WWOX: variants seen among roughly 807,000 people sequenced by gnomAD.
The protein encoded by WWOX is WW domain containing oxidoreductase.
In WWOX, 69 loss-of-function variants were observed where a neutral mutation model predicts 46.2. The observed-to-expected ratio is 1.49, with a 90% CI of 1.23 to 1.82. The LOEUF (loss-of-function observed/expected upper bound fraction) is 1.82. Ranked by LOEUF, WWOX falls within the 40% of genes most tolerant of loss-of-function variation. The pLI is 0.00. For missense variants in WWOX, 919 were observed against 542.6 expected (o/e 1.69, Z -6.89); for synonymous variants, 359 against 202.6 (o/e 1.77, Z -6.56).
intron 8 of WWOX, among the ~76,000 whole-genome samples, chr16:78,648,003 T>G (rs1438211114): frequency 1.3e-5 from 2 of 152,224 alleles, no homozygotes; most frequent in East Asian, 1.9e-4. Context: ...TATTTTCCAT[T>G]ATTCATTTGG....
intron 8 of WWOX, among the ~76,000 whole-genome samples, chr16:78,565,391 A>G (rs1205540750): frequency 1.3e-5 from 2 of 152,246 alleles, no homozygotes; most frequent in African/African-American, 2.4e-5. Context: ...TTCATCTTCT[A>G]GAGGCCTCCT....
chr16:78,997,837 A>G (rs893579454), intron 8 of WWOX, among the ~76,000 whole-genome samples: 3 of 151,952 alleles, frequency 2.0e-5, no homozygotes, highest in African/African-American at 7.3e-5. Flanking sequence ...CCTTCCCGGG[A>G]ATTTCTGAAT....
chr16:79,008,943 A>G (rs558865609), intron 8 of WWOX, among the ~76,000 whole-genome samples: 1 of 152,364 alleles, frequency 6.6e-6, no homozygotes, highest in Non-Finnish European at 1.5e-5. Context: ...TAAATATGGG[A>G]TGCCTTGGCC....
At chr16:78,503,439 T>A (rs929396328) in intron 8 of WWOX, among the ~76,000 whole-genome samples, 6 of 150,800 alleles carry the variant, frequency 4.0e-5, no homozygotes, top group Admixed American at 4.0e-4. Context: ...TAAATATAAT[T>A]CCTTATTGTA....
rs1056231520 is a variant in WWOX at position 78,590,190 on chromosome 16, T to A, written c.1056+157438T>A. On this transcript the variant is annotated intron_variant, in intron 8 of 8. Coordinates refer to ENST00000566780, the MANE Select transcript of WWOX (RefSeq NM_016373.4). ...TTTATTATAGATAGAAATAAAAAAA[T>A]TATAAATAGAAATTTATTTCTCGTG... Among the ~76,000 whole-genome samples the A allele has an allele frequency of 4.7e-5, 7 of 150,484 alleles. No homozygotes were observed. The East Asian group carries it at 9.7e-4, about 21-fold the overall frequency.
At chr16:78,546,538 C>T (rs1309488581) in intron 8 of WWOX, among the ~76,000 whole-genome samples, 1 of 152,128 alleles carries the variant, frequency 6.6e-6, no homozygotes, top group Non-Finnish European at 1.5e-5. Context: ...TTTACGATTC[C>T]ATTGTTTATA....
chr16:79,032,670 A>G (rs998360345), intron 8 of WWOX, among the ~76,000 whole-genome samples: 2 of 89,162 alleles, frequency 2.2e-5, no homozygotes, highest in Admixed American at 1.1e-4. Flanking sequence ...ACATATGTAT[A>G]TATATATATA....
intron 5 of WWOX, among the ~76,000 whole-genome samples, chr16:78,362,122 C>T (rs150957070): frequency 8.5e-4 from 129 of 151,950 alleles, no homozygotes; most frequent in African/African-American, 2.9e-3. Context: ...CTTTTTATGT[C>T]CGGTGGCCAT....
intron 8 of WWOX, among the ~76,000 whole-genome samples, chr16:78,543,166 T>A (rs556852525): frequency 1.3e-5 from 2 of 152,212 alleles, no homozygotes; most frequent in African/African-American, 4.8e-5. Context: ...GAGTCTGTGA[T>A]CTCACAGCTG....
chr16:78,585,829 T>C (rs1182047877), intron 8 of WWOX, among the ~76,000 whole-genome samples: 1 of 152,032 alleles, frequency 6.6e-6, no homozygotes, highest in Non-Finnish European at 1.5e-5. Context: ...TTCTGTGGCC[T>C]TTATATTAGA....
chr16:79,103,138 C>A (rs1209084499), intron 8 of WWOX, among the ~76,000 whole-genome samples: 2 of 152,180 alleles, frequency 1.3e-5, no homozygotes, highest in African/African-American at 4.8e-5. Flanking sequence ...TTGATCTCTG[C>A]TGAGTCTCTC....
chr16:79,199,055 G>A (rs563053556), intron 8 of WWOX, among the ~76,000 whole-genome samples: 40 of 152,024 alleles, frequency 2.6e-4, no homozygotes, highest in Non-Finnish European at 3.4e-4. Context: ...TTCAGTCCCC[G>A]GTGTTTTTAT....
chr16:78,385,004 C>T (rs537070728), intron 5 of WWOX, among the ~76,000 whole-genome samples: 69 of 152,178 alleles, frequency 4.5e-4, no homozygotes, highest in South Asian at 3.1e-3. Flanking sequence ...TGTGTTGGCA[C>T]GCACCTGTAG....
At chr16:78,814,834 C>T (rs6564596) in intron 8 of WWOX, among the ~76,000 whole-genome samples, 2 of 152,072 alleles carry the variant, frequency 1.3e-5, no homozygotes, top group South Asian at 4.1e-4. Context: ...CTGTCATCTG[C>T]CCTTGCAAAA....
intron 5 of WWOX, among the ~76,000 whole-genome samples, chr16:78,366,039 G>A (rs975135690): frequency 2.0e-5 from 3 of 152,140 alleles, no homozygotes; most frequent in African/African-American, 7.2e-5. Flanking sequence ...GTTAATCAGG[G>A]AATACATCTT....
At chr16:78,483,362 G>C (rs1410778440) in intron 8 of WWOX, among the ~76,000 whole-genome samples, 1 of 150,338 alleles carries the variant, frequency 6.7e-6, no homozygotes, top group Non-Finnish European at 1.5e-5. Context: ...AGAAGCATTG[G>C]CTGACATGGA....
chr16:78,585,161 GTTCTGACCACCCCCGGGCTAT>G (rs1449994414), intron 8 of WWOX, among the ~76,000 whole-genome samples: 1 of 152,204 alleles, frequency 6.6e-6, no homozygotes, highest in East Asian at 1.9e-4. Context: ...CAAGGCTGTG[GTTCTGACCACCCCCGGGCTAT>G]TTCTGACCAC....
intron 8 of WWOX, among the ~76,000 whole-genome samples, chr16:78,740,482 T>A (rs1443249674): frequency 6.6e-6 from 1 of 152,144 alleles, no homozygotes; most frequent in Non-Finnish European, 1.5e-5. Flanking sequence ...GAAAACTGAT[T>A]TCCGTTGCCC....
intron 8 of WWOX, among the ~76,000 whole-genome samples, chr16:78,872,564 A>T (rs1489793697): frequency 1.3e-5 from 2 of 152,140 alleles, no homozygotes; most frequent in Non-Finnish European, 2.9e-5. Flanking sequence ...TCTTTGTTTT[A>T]AAAATAATTA....
Sources: gnomAD v4.1 joint callset for allele counts (sites outside exome capture counted in the v4.1 genomes callset) on GRCh38, gnomAD v4.1.1 for gene constraint, MANE v1.5 for transcripts, NCBI Gene and HGNC (gene_info 2026-07-23, HGNC 2026-07-21) for gene names.